SHC3: variants seen among roughly 807,000 people sequenced by gnomAD.
SHC3 encodes the protein SHC adaptor protein 3.
SHC3 carries 15 observed loss-of-function variants against 60.4 expected under a neutral mutation model. The observed-to-expected ratio is 0.25, with a 90% CI of 0.17 to 0.38. The LOEUF is 0.38. SHC3 is among the 10% of genes least tolerant of loss of function. The probability of loss-of-function intolerance (pLI) is 1.00; values close to 1 mark genes in which losing one functional copy is unlikely to be tolerated. For missense variants in SHC3, 677 were observed against 786.1 expected (o/e 0.86, Z 1.66); for synonymous variants, 294 against 325.9 (o/e 0.90, Z 1.05).
intron 1 of SHC3, among the ~76,000 whole-genome samples, chr9:89,136,534 T>C (rs1826321922): frequency 6.6e-6 from 1 of 152,142 alleles, no homozygotes; most frequent in African/African-American, 2.4e-5. Flanking sequence ...GAAGTTACCC[T>C]ATATAAAAAG....
chr9:89,069,305 T>C (rs1825232861), intron 5 of SHC3, among the ~76,000 whole-genome samples: 1 of 152,138 alleles, frequency 6.6e-6, no homozygotes, highest in Non-Finnish European at 1.5e-5. Flanking sequence ...TGAGACCCTG[T>C]TGGATGAGTT....
At chr9:89,111,323 C>A (rs1246387684) in intron 2 of SHC3, among the ~76,000 whole-genome samples, 1 of 152,216 alleles carries the variant, frequency 6.6e-6, no homozygotes, top group African/African-American at 2.4e-5. Context: ...CCATATTCCT[C>A]CAGTCACTGG....
intron 2 of SHC3, among the ~76,000 whole-genome samples, chr9:89,108,650 G>C (rs1268565545): frequency 6.6e-6 from 1 of 152,102 alleles, no homozygotes; most frequent in Non-Finnish European, 1.5e-5. Context: ...TTTCTTATCA[G>C]ATCTAAGGAA....
intron 2 of SHC3, among the ~76,000 whole-genome samples, chr9:89,104,991 G>T (rs1430323424): frequency 6.6e-6 from 1 of 152,210 alleles, no homozygotes; most frequent in African/African-American, 2.4e-5. Context: ...AGGCAGTGCA[G>T]TCTTCACAGA....
chr9:89,101,619 A>AT lies in SHC3; in HGVS notation c.545+10936dup, dbSNP rs770939456. On this transcript the variant is annotated intron_variant, in intron 2 of 11. Coordinates refer to ENST00000375835, the MANE Select transcript of SHC3 (RefSeq NM_016848.6). ...TTGAGATTTTCATATATATATATAT[A>AT]TTTTTTTTAATTTGCCAATATGGGG... Among the ~76,000 whole-genome samples the AT allele has an allele frequency of 2.5e-3, 370 of 150,370 alleles. 1 individual carries two copies. Among genetic ancestry groups the AT allele is most frequent in the Middle Eastern group, 0.014 (4 of 290 alleles).
chr9:89,147,122 G>A (rs1309431332), intron 1 of SHC3, among the ~76,000 whole-genome samples: 6 of 150,736 alleles, frequency 4.0e-5, no homozygotes. Flanking sequence ...GAGAATAGAA[G>A]AGCCTCAACT....
intron 1 of SHC3, among the ~76,000 whole-genome samples, chr9:89,172,572 CACAG>C (rs1826885476): frequency 1.3e-5 from 2 of 151,312 alleles, no homozygotes; most frequent in Admixed American, 6.6e-5. Context: ...GACACACACA[CACAG>C]ACACACACAC....
intron 6 of SHC3, among the ~76,000 whole-genome samples, chr9:89,061,710 A>G (rs945763186): frequency 6.6e-6 from 1 of 152,244 alleles, no homozygotes; most frequent in Admixed American, 6.5e-5. Flanking sequence ...TCTGAAATTT[A>G]CAGTTCATAA....
intron 11 of SHC3, among the ~76,000 whole-genome samples, chr9:89,021,704 G>C (rs907758331): frequency 6.6e-6 from 1 of 152,168 alleles, no homozygotes; most frequent in Non-Finnish European, 1.5e-5. Flanking sequence ...GCACCCCTCG[G>C]GGCCAGTAGA....
At chr9:89,115,789 C>A (rs936711880) in intron 1 of SHC3, among the ~76,000 whole-genome samples, 1 of 152,152 alleles carries the variant, frequency 6.6e-6, no homozygotes, top group Non-Finnish European at 1.5e-5. Flanking sequence ...TGACCACCAG[C>A]AACAACACTG....
chr9:89,148,813 T>C (rs559218136), intron 1 of SHC3, among the ~76,000 whole-genome samples: 8 of 152,320 alleles, frequency 5.3e-5, no homozygotes, highest in Admixed American at 5.2e-4. Flanking sequence ...ACTCTATCTT[T>C]TGTTCTTTAA....
At chr9:89,082,157 C>G (rs1001256086) in intron 2 of SHC3, among the ~76,000 whole-genome samples, 17 of 152,186 alleles carry the variant, frequency 1.1e-4, no homozygotes, top group Admixed American at 6.5e-5. Flanking sequence ...CAGGGCTCCA[C>G]CCAACCCCTC....
chr9:89,075,033 C>T (rs1217831893), intron 4 of SHC3, 76 bp downstream of exon 4: 7 of 1,551,180 alleles, frequency 4.5e-6, no homozygotes, highest in Non-Finnish European at 6.1e-6. Context: ...CTCAGTAAAG[C>T]TGCAAGGAAG....
chr9:89,162,909 C>A (rs1826731083), intron 1 of SHC3, among the ~76,000 whole-genome samples: 1 of 138,468 alleles, frequency 7.2e-6, no homozygotes, highest in Non-Finnish European at 1.6e-5. Context: ...AAAAAACAAA[C>A]AACCCCATCA....
chr9:89,040,147 CCACCATCATCAT>C (rs1376297204), intron 10 of SHC3, among the ~76,000 whole-genome samples: 3 of 54,624 alleles, frequency 5.5e-5, no homozygotes, highest in Non-Finnish European at 1.1e-4. Context: ...AGCAGCATCA[CCACCATCATCAT>C]CACCATCATC....
chr9:89,161,710 C>T (rs898946417), intron 1 of SHC3, among the ~76,000 whole-genome samples: 2 of 151,476 alleles, frequency 1.3e-5, no homozygotes, highest in Non-Finnish European at 2.9e-5. Flanking sequence ...CTCACCACTC[C>T]TATTCAACAT....
intron 1 of SHC3, among the ~76,000 whole-genome samples, chr9:89,129,875 T>A (rs1416346517): frequency 6.6e-6 from 1 of 152,126 alleles, no homozygotes; most frequent in Non-Finnish European, 1.5e-5. Context: ...CCAGCTAACA[T>A]CGTAGTGACA....
In SHC3 at chr9:89,124,493, A is replaced by G. The variant is rs571292244; in HGVS notation, c.475-11867T>C. The stretch of plus-strand genomic sequence containing the variant: ...GAAAAGTGGCACATATACAACATGG[A>G]ATACTATGCAGCCATAAAAAAGAAT... On this transcript the variant is annotated intron_variant, in intron 1 of 11. Transcript: ENST00000375835. 1.2e-3 allele frequency among the ~76,000 whole-genome samples: 186 copies of G among 152,350 alleles called. 1 individual carries two copies. The highest frequency in any genetic ancestry group is 2.2e-3 in the Non-Finnish European group (147 of 68,044).
chr9:89,087,481 AGG>A (rs1297230926), intron 2 of SHC3, among the ~76,000 whole-genome samples: 1 of 152,154 alleles, frequency 6.6e-6, no homozygotes, highest in African/African-American at 2.4e-5. Context: ...GGGTGCCTGC[AGG>A]GGGACGAGGT....
Sources: allele counts gnomAD v4.1 joint callset (sites outside exome capture counted in the v4.1 genomes callset), GRCh38; gene constraint gnomAD v4.1.1; transcripts MANE v1.5; gene names NCBI Gene and HGNC (gene_info 2026-07-23, HGNC 2026-07-21).